The following CLMP variants were observed in gnomAD, a reference collection of about 807,000 sequenced individuals.
CLMP encodes the protein CXADR-like membrane protein.
A neutral mutation model predicts 45.2 loss-of-function variants in CLMP; 27 were observed. That is an observed-to-expected ratio of 0.60 (90% confidence interval 0.44 to 0.82). CLMP has a LOEUF of 0.82. Among genes scored for constraint, CLMP ranks in the 40% least tolerant of loss-of-function variants. The probability of loss-of-function intolerance (pLI) is 0.00; values close to 1 mark genes in which losing one functional copy is unlikely to be tolerated. For synonymous variants in CLMP, 167 were observed against 171.4 expected (o/e 0.97, Z 0.20); for missense variants, 403 against 448.4 (o/e 0.90, Z 0.91).
At chr11:123,130,946 G>A (rs1860978210) in intron 1 of CLMP, among the ~76,000 whole-genome samples, 1 of 147,124 alleles carries the variant, frequency 6.8e-6, no homozygotes, top group Non-Finnish European at 1.5e-5. Context: ...GGGTTCAAAT[G>A]ATTCTCCTGC....
intron 1 of CLMP, among the ~76,000 whole-genome samples, chr11:123,130,927 C>T (rs1860977699): frequency 6.6e-6 from 1 of 150,706 alleles, no homozygotes; most frequent in Non-Finnish European, 1.5e-5. Context: ...ACTGCAACCC[C>T]TGCCTCCCGG....
Position 123,076,810 on chromosome 11 carries a change from C to G in CLMP, c.680-1967G>C, listed in dbSNP as rs929751438. Among the ~76,000 whole-genome samples, 4 of 151,930 alleles carry G rather than the reference C, an allele frequency of 2.6e-5. No individual in the cohort carries two copies. The East Asian group carries it at 7.7e-4, about 29-fold the overall frequency. ...TCTGAGACAGTACACCATGGCTGCTCTAGGGAAAATAAATAGTGGAGAAGT... is the reference window on the plus strand; with the variant it reads ...TCTGAGACAGTACACCATGGCTGCTGTAGGGAAAATAAATAGTGGAGAAGT... On this transcript the variant is annotated intron_variant, in intron 5 of 6. Transcript: ENST00000448775.
Position 123,118,414 on chromosome 11 carries a change from C to T in CLMP, c.29-20462G>A, listed in dbSNP as rs565216192. On this transcript the variant is annotated intron_variant, in intron 1 of 6. Coordinates refer to ENST00000448775, the MANE Select transcript of CLMP (RefSeq NM_024769.5). Reference sequence around the variant, plus strand: ...CCTCCCAAAGTGCTGGGATTACAGGCATAAGCCACCAAGCCCAGCCAAGAC... The same window carrying T: ...CCTCCCAAAGTGCTGGGATTACAGGTATAAGCCACCAAGCCCAGCCAAGAC... 3.9e-5 allele frequency among the ~76,000 whole-genome samples: 6 copies of T among 152,320 alleles called. No individual in the cohort carries two copies. In the South Asian group the frequency reaches 1.2e-3, roughly 32 times the overall value.
chr11:123,093,906 G>A (rs545161684), intron 2 of CLMP, among the ~76,000 whole-genome samples: 13 of 152,204 alleles, frequency 8.5e-5, no homozygotes, highest in African/African-American at 1.7e-4. Flanking sequence ...CTGTGCCATC[G>A]CCTGCAGAGC....
intron 1 of CLMP, among the ~76,000 whole-genome samples, chr11:123,161,802 C>T (rs188558412): frequency 1.4e-3 from 213 of 152,360 alleles, no homozygotes; most frequent in Non-Finnish European, 2.1e-3. Context: ...CATCTGGTCA[C>T]GTATTACACA....
chr11:123,139,982 G>A (rs964651189), intron 1 of CLMP, among the ~76,000 whole-genome samples: 3 of 152,114 alleles, frequency 2.0e-5, no homozygotes, highest in Non-Finnish European at 4.4e-5. Flanking sequence ...TAAATAGTTC[G>A]GCCATTAAGA....
At chr11:123,150,071 C>G (rs919509368) in intron 1 of CLMP, among the ~76,000 whole-genome samples, 54 of 151,870 alleles carry the variant, frequency 3.6e-4, no homozygotes, top group Non-Finnish European at 7.4e-5. Context: ...TCCCAAAGTG[C>G]TGAGATTACA....
At chr11:123,123,786 G>T (rs983984041) in intron 1 of CLMP, among the ~76,000 whole-genome samples, 1 of 152,144 alleles carries the variant, frequency 6.6e-6, no homozygotes, top group African/African-American at 2.4e-5. Flanking sequence ...TAGTTGTAAG[G>T]CATGTGAAAA....
In CLMP at chr11:123,080,815, A is replaced by G. The variant is rs528827124; in HGVS notation, c.679+2270T>C. On this transcript the variant is annotated intron_variant, in intron 5 of 6. Transcript: ENST00000448775. ...AGTATAACTTTGAAAAAAGTAAAAT[A>G]CTGATTCCGACAAATTAAAGGTTTT... 4.6e-5 allele frequency among the ~76,000 whole-genome samples: 7 copies of G among 152,298 alleles called. No homozygotes were observed. The South Asian group carries it at 1.4e-3, about 32-fold the overall frequency.
At chr11:123,082,739 T>A (rs1291064138) in intron 5 of CLMP, among the ~76,000 whole-genome samples, 2 of 151,194 alleles carry the variant, frequency 1.3e-5, no homozygotes, top group Non-Finnish European at 3.0e-5. Flanking sequence ...GCTTCCTGAG[T>A]AGCTGAGATT....
At chr11:123,149,681 G>A (rs182887470) in intron 1 of CLMP, among the ~76,000 whole-genome samples, 3 of 152,196 alleles carry the variant, frequency 2.0e-5, no homozygotes, top group Non-Finnish European at 4.4e-5. Flanking sequence ...GGCTAGGCCT[G>A]AGAACTTTGT....
chr11:123,081,531 T>C (rs1865803575), intron 5 of CLMP, among the ~76,000 whole-genome samples: 1 of 152,218 alleles, frequency 6.6e-6, no homozygotes. Context: ...CAAGCCCTGT[T>C]CCTAGGCAGT....
At chr11:123,087,486 G>A (rs1865878785) in intron 2 of CLMP, among the ~76,000 whole-genome samples, 1 of 152,004 alleles carries the variant, frequency 6.6e-6, no homozygotes, top group African/African-American at 2.4e-5. Context: ...TCCAGCCTGG[G>A]CAACATAACA....
chr11:123,193,743 A>G (rs925744449), intron 1 of CLMP, among the ~76,000 whole-genome samples: 1 of 152,168 alleles, frequency 6.6e-6, no homozygotes, highest in Non-Finnish European at 1.5e-5. Flanking sequence ...GCCTCCTTCA[A>G]ACCTCTGGTG....
At chr11:123,144,581 G>T (rs367759174) in intron 1 of CLMP, among the ~76,000 whole-genome samples, 2 of 152,106 alleles carry the variant, frequency 1.3e-5, no homozygotes, top group African/African-American at 4.8e-5. Context: ...TGTTGGTCAG[G>T]CTGGTCTCGA....
At chr11:123,193,619 G>A (rs1861938771) in intron 1 of CLMP, among the ~76,000 whole-genome samples, 1 of 152,218 alleles carries the variant, frequency 6.6e-6, no homozygotes. Context: ...GTGATTATCA[G>A]CCTGAGGCTG....
rs1385759521 is a variant in CLMP at position 123,072,607 on chromosome 11, C to T, written c.*867G>A. Reference sequence around the variant, plus strand: ...TCTCTAGAAGAATTCTTTCTAAGGACGTTGATAAATGACATGTTGTATTTT... The same window carrying T: ...TCTCTAGAAGAATTCTTTCTAAGGATGTTGATAAATGACATGTTGTATTTT... On this transcript the variant is annotated 3_prime_UTR_variant, in exon 7 of 7. Transcript: ENST00000448775. The T allele has an allele frequency of 1.3e-5, 2 of 152,124 alleles. No homozygotes were observed. Among genetic ancestry groups the T allele is most frequent in the East Asian group, 3.8e-4 (2 of 5,198 alleles). 9.4% of individuals were successfully genotyped at this position (152,124 alleles called of 1,614,324 possible).
intron 1 of CLMP, among the ~76,000 whole-genome samples, chr11:123,150,457 A>C (rs1167612169): frequency 2.0e-5 from 2 of 102,002 alleles, no homozygotes; most frequent in African/African-American, 7.6e-5. Context: ...GAAAGAAAGA[A>C]AGAAAGAAAG....
chr11:123,078,662 T>TTTTA (rs1865767256), intron 5 of CLMP, among the ~76,000 whole-genome samples: 1 of 141,728 alleles, frequency 7.1e-6, no homozygotes, highest in African/African-American at 2.7e-5. Flanking sequence ...TTTTTTTTTT[T>TTTTA]GAGACAGAGT....
Sources: allele counts gnomAD v4.1 joint callset (sites outside exome capture counted in the v4.1 genomes callset), GRCh38; gene constraint gnomAD v4.1.1; transcripts MANE v1.5; gene names NCBI Gene and HGNC (gene_info 2026-07-23, HGNC 2026-07-21).